BCAS3: variants seen among roughly 807,000 people sequenced by gnomAD.
The protein encoded by BCAS3 is BCAS3 microtubule associated cell migration factor.
In BCAS3, 53 loss-of-function variants were observed where a neutral mutation model predicts 116.1. The ratio of observed to expected loss-of-function variants is 0.46; its 90% CI spans 0.37 to 0.57. The LOEUF (loss-of-function observed/expected upper bound fraction) is 0.57. Among genes scored for constraint, BCAS3 ranks in the 20% least tolerant of loss-of-function variants. BCAS3 has a pLI of 0.00. For missense variants in BCAS3, 917 were observed against 1,165.4 expected, an observed-to-expected ratio of 0.79 and a Z score of 3.10; for synonymous variants, 391 against 408.2, an observed-to-expected ratio of 0.96 and a Z score of 0.51.
At chr17:61,076,965 A>G (rs985318294) in intron 20 of BCAS3, among the ~76,000 whole-genome samples, 1 of 152,204 alleles carries the variant, frequency 6.6e-6, no homozygotes, top group Non-Finnish European at 1.5e-5. Flanking sequence ...TGTTTTGTTA[A>G]GAATTAATCA....
At chr17:60,711,883 C>A (rs75985063) in intron 5 of BCAS3, among the ~76,000 whole-genome samples, 1 of 151,656 alleles carries the variant, frequency 6.6e-6, no homozygotes, top group African/African-American at 2.4e-5. Context: ...TGAGACCAGC[C>A]GGGTGCGGTG....
rs1173865598 is a variant in BCAS3, at chr17:61,063,490, G to C, written c.2030-11430G>C. The stretch of plus-strand genomic sequence containing the variant: ...TCACCATGTTAGCCAGGATGGTCTC[G>C]ATCTCTTGATCTCGTGATCCGCCAC... On this transcript the variant is annotated intron_variant, in intron 19 of 23. Coordinates refer to ENST00000407086, the MANE Select transcript of BCAS3 (RefSeq NM_017679.5). The surrounding 1 kb of genome is among the most constrained non-coding windows in gnomAD (Gnocchi z 5.3). 6.6e-6 allele frequency among the ~76,000 whole-genome samples: 1 copy of C among 151,990 alleles called. No homozygotes were observed. The highest frequency in any genetic ancestry group is 2.4e-5 in the African/African-American group (1 of 41,380).
chr17:61,336,312 AC>A (rs2143175030), intron 22 of BCAS3, among the ~76,000 whole-genome samples: 1 of 152,344 alleles, frequency 6.6e-6, no homozygotes, highest in South Asian at 2.1e-4. Flanking sequence ...GGCTTTGAAC[AC>A]TTTAATTTGA....
intron 19 of BCAS3, among the ~76,000 whole-genome samples, chr17:61,067,156 A>G (rs1193042990): frequency 6.7e-6 from 1 of 150,372 alleles, no homozygotes; most frequent in Non-Finnish European, 1.5e-5. Flanking sequence ...TTGAAAAGTT[A>G]TATTATTAAT....
At position 61,171,356 on chromosome 17, in the gene BCAS3, G is replaced by A. The variant is rs898118001; in HGVS notation, c.2425+86792G>A. On this transcript the variant is annotated intron_variant, in intron 22 of 23. Transcript: ENST00000407086. This position sits in a 1 kb window ranked among gnomAD's most constrained non-coding sequence, Gnocchi z 4.1. ...TTCAGTAGATCCAAAACAACACATG[G>A]GAACCAAAAAGAAAAAAATGGAACA... 1.1e-5 allele frequency among the ~76,000 whole-genome samples: 1 copy of A among 90,532 alleles called. No homozygotes were observed. The highest frequency in any genetic ancestry group is 2.7e-5 in the African/African-American group (1 of 36,876). 59.4% of individuals were successfully genotyped at this position (90,532 alleles called of 152,430 possible). A position where few individuals can be genotyped will look rare whatever the true frequency, so the allele number is the denominator to read the frequency against.
At chr17:60,716,162 C>T (rs1020658680) in intron 5 of BCAS3, among the ~76,000 whole-genome samples, 23 of 152,114 alleles carry the variant, frequency 1.5e-4, no homozygotes, top group Non-Finnish European at 3.1e-4. Context: ...CGCACAGCCA[C>T]GAACTATGAA....
intron 22 of BCAS3, among the ~76,000 whole-genome samples, chr17:61,254,202 T>A (rs758267698): frequency 2.2e-4 from 34 of 152,278 alleles, no homozygotes; most frequent in Admixed American, 4.6e-4. Context: ...TTTAAAACCT[T>A]CAGGAGATTT....
intron 14 of BCAS3, among the ~76,000 whole-genome samples, chr17:60,975,293 G>A (rs999324174): frequency 2.0e-5 from 3 of 152,116 alleles, no homozygotes; most frequent in African/African-American, 7.2e-5. Context: ...GAGCCACCGC[G>A]CCCGGCCTCA....
intron 14 of BCAS3, among the ~76,000 whole-genome samples, chr17:60,958,594 C>T (rs1042785055): frequency 6.6e-6 from 1 of 152,130 alleles, no homozygotes; most frequent in Admixed American, 6.6e-5. Context: ...GAATACTTAC[C>T]ATCATTAAAA....
At position 61,387,783 on chromosome 17, in the gene BCAS3, G is replaced by A. The variant is rs767924017; in HGVS notation, c.2594-4194G>A. On this transcript the variant is annotated intron_variant, in intron 23 of 23. Transcript: ENST00000407086. This position sits in a 1 kb window ranked among gnomAD's most constrained non-coding sequence, Gnocchi z 6.2. ...TCTTTCTTGGGGGATGGGGGTGGGA[G>A]GTGAAGAACCAGAGCTAGTGGTTGC... Among the ~76,000 whole-genome samples, 6 of 152,188 alleles carry A rather than the reference G, an allele frequency of 3.9e-5. No individual in the cohort carries two copies. Among genetic ancestry groups the A allele is most frequent in the Non-Finnish European group, 7.3e-5 (5 of 68,034 alleles).
At chr17:61,184,780 C>T (rs773264986) in intron 22 of BCAS3, among the ~76,000 whole-genome samples, 5 of 151,930 alleles carry the variant, frequency 3.3e-5, no homozygotes, top group African/African-American at 4.8e-5. Context: ...GAAGGAAGTA[C>T]GTAGCAACAC....
chr17:60,957,979 A>G (rs980435597), intron 14 of BCAS3, among the ~76,000 whole-genome samples: 1 of 152,228 alleles, frequency 6.6e-6, no homozygotes, highest in Non-Finnish European at 1.5e-5. Context: ...GTAGTTTTCT[A>G]TTTACTGTAC....
intron 7 of BCAS3, among the ~76,000 whole-genome samples, chr17:60,809,566 C>T (rs188912938): frequency 5.9e-5 from 9 of 152,252 alleles, no homozygotes; most frequent in Admixed American, 5.2e-4. Context: ...TAGTACCTTA[C>T]CTGCTGTGCT....
At chr17:60,985,473 A>G (rs1458113507) in intron 14 of BCAS3, among the ~76,000 whole-genome samples, 1 of 152,094 alleles carries the variant, frequency 6.6e-6, no homozygotes, top group Non-Finnish European at 1.5e-5. Context: ...AGTTATTTAA[A>G]AATATATGAT....
At chr17:60,759,032 G>T (rs1359688622) in intron 6 of BCAS3, among the ~76,000 whole-genome samples, 1 of 149,672 alleles carries the variant, frequency 6.7e-6, no homozygotes. Context: ...GGAGTGCAGT[G>T]GCACGATCTC....
chr17:61,212,284 C>T (rs1427782538), intron 22 of BCAS3, among the ~76,000 whole-genome samples: 2 of 152,148 alleles, frequency 1.3e-5, no homozygotes, highest in African/African-American at 2.4e-5. Context: ...GTCACCCAGG[C>T]TGGAGTGCAG....
chr17:60,879,108 G>A (rs1335840352), intron 9 of BCAS3, among the ~76,000 whole-genome samples: 1 of 152,104 alleles, frequency 6.6e-6, no homozygotes. Flanking sequence ...TAGGGAGCAG[G>A]TGGGACAGGG....
At chr17:60,711,338 G>T (rs1360341163) in intron 5 of BCAS3, among the ~76,000 whole-genome samples, 1 of 151,942 alleles carries the variant, frequency 6.6e-6, no homozygotes, top group Non-Finnish European at 1.5e-5. Flanking sequence ...TTAAAATTTG[G>T]CAGTGTTTTT....
At chr17:61,040,598 AC>A (rs2067423944) in intron 18 of BCAS3, among the ~76,000 whole-genome samples, 193 bp from the exon 19 acceptor site, 1 of 152,102 alleles carries the variant, frequency 6.6e-6, no homozygotes. Flanking sequence ...AAAGACTGCC[AC>A]CTTTTTATTT....
Sources: allele counts gnomAD v4.1 joint callset (sites outside exome capture counted in the v4.1 genomes callset), GRCh38; gene constraint gnomAD v4.1.1; non-coding constraint Gnocchi (gnomAD v3.1); transcripts MANE v1.5; gene names NCBI Gene and HGNC (gene_info 2026-07-23, HGNC 2026-07-21).